Variants in ARHGAP24 observed in about 807,000 individuals in gnomAD.
ARHGAP24 encodes Rho GTPase activating protein 24.
ARHGAP24 carries 50 observed loss-of-function variants against 76.4 expected under a neutral mutation model. The ratio of observed to expected loss-of-function variants is 0.65; its 90% CI spans 0.52 to 0.83. ARHGAP24 has a LOEUF of 0.83. Ranked by LOEUF, ARHGAP24 falls within the 40% of genes least tolerant of loss-of-function variation. ARHGAP24 has a pLI of 0.00. For synonymous variants in ARHGAP24, 345 were observed against 323.3 expected, an observed-to-expected ratio of 1.07 and a Z score of -0.72; for missense variants, 930 against 914.2, an observed-to-expected ratio of 1.02 and a Z score of -0.22.
At chr4:85,629,444 A>G (rs1336366598) in intron 2 of ARHGAP24, among the ~76,000 whole-genome samples, 1 of 152,154 alleles carries the variant, frequency 6.6e-6, no homozygotes, top group Non-Finnish European at 1.5e-5. Context: ...TTCATAGTGA[A>G]TTTTATACTT....
chr4:85,917,976 G>A (rs12651053), intron 3 of ARHGAP24, among the ~76,000 whole-genome samples: 11 of 151,820 alleles, frequency 7.2e-5, no homozygotes, highest in South Asian at 2.1e-4. Flanking sequence ...GTTACCTGAC[G>A]TAGTCTGGGC....
intron 2 of ARHGAP24, among the ~76,000 whole-genome samples, chr4:85,649,970 G>A (rs937715160): frequency 4.6e-5 from 7 of 152,044 alleles, no homozygotes; most frequent in Non-Finnish European, 7.4e-5. Context: ...AAGGTCATAC[G>A]GGTAGCAATG....
intron 3 of ARHGAP24, among the ~76,000 whole-genome samples, chr4:85,730,289 C>T (rs924616100): frequency 6.6e-6 from 1 of 152,190 alleles, no homozygotes; most frequent in Non-Finnish European, 1.5e-5. Context: ...ATATTTTATT[C>T]AGTCCACACA....
At chr4:85,487,600 TTATTA>T (rs1231651244) in intron 1 of ARHGAP24, among the ~76,000 whole-genome samples, 9 of 105,422 alleles carry the variant, frequency 8.5e-5, no homozygotes, top group African/African-American at 2.4e-4. Context: ...AAATATATAT[TTATTA>T]TATTATATAA....
intron 5 of ARHGAP24, among the ~76,000 whole-genome samples, chr4:85,969,645 G>A (rs1164141419): frequency 6.6e-6 from 1 of 152,012 alleles, no homozygotes; most frequent in Non-Finnish European, 1.5e-5. Flanking sequence ...CCCAAGCTGT[G>A]GTTTTTTTAC....
At chr4:86,000,080 C>CTTTTTTTTTTT (rs35831725) in intron 9 of ARHGAP24, 2 of 143,350 alleles carry the variant, frequency 1.4e-5, no homozygotes, top group Non-Finnish European at 1.5e-5. Flanking sequence ...TTATTGCCCT[C>CTTTTTTTTTTT]TTTTTTTTTT....
At chr4:85,810,545 T>C (rs1171751498) in intron 3 of ARHGAP24, among the ~76,000 whole-genome samples, 1 of 152,170 alleles carries the variant, frequency 6.6e-6, no homozygotes, top group Non-Finnish European at 1.5e-5. Context: ...TATGCCCCAG[T>C]TTCTTACTTT....
intron 3 of ARHGAP24, among the ~76,000 whole-genome samples, chr4:85,790,117 A>T (rs1488787213): frequency 2.0e-5 from 3 of 152,128 alleles, no homozygotes; most frequent in Non-Finnish European, 4.4e-5. Flanking sequence ...GGGGCCCCAG[A>T]ATATGCATTT....
rs1056420668 is a variant in ARHGAP24, at chr4:85,508,129, G to T, written c.-21+32570G>T. 2.6e-5 allele frequency among the ~76,000 whole-genome samples: 4 copies of T among 151,372 alleles called. No individual in the cohort carries two copies. The East Asian group carries it at 7.8e-4, about 29-fold the overall frequency. On this transcript the variant is annotated intron_variant, in intron 1 of 9. Coordinates refer to ENST00000395184, the MANE Select transcript of ARHGAP24 (RefSeq NM_001025616.3). ...TTTCCAGATATATGGCCTCAGGATT[G>T]AATTTTTCCTCTGGAGAGAAAACAT...
At chr4:85,509,507 C>A (rs1219984688) in intron 1 of ARHGAP24, among the ~76,000 whole-genome samples, 1 of 151,910 alleles carries the variant, frequency 6.6e-6, no homozygotes, top group Non-Finnish European at 1.5e-5. Flanking sequence ...AAACAAAATT[C>A]TTAGTATATT....
chr4:85,501,784 G>A (rs1483181612), intron 1 of ARHGAP24, among the ~76,000 whole-genome samples: 1 of 152,064 alleles, frequency 6.6e-6, no homozygotes, highest in Non-Finnish European at 1.5e-5. Flanking sequence ...TTTTAGTCAT[G>A]AAGTCTTTGC....
intron 2 of ARHGAP24, among the ~76,000 whole-genome samples, chr4:85,720,913 A>C (rs897379131): frequency 2.0e-5 from 3 of 152,192 alleles, no homozygotes; most frequent in Non-Finnish European, 4.4e-5. Flanking sequence ...CTTGTGAGTC[A>C]TGTAAGTGGA....
intron 1 of ARHGAP24, among the ~76,000 whole-genome samples, chr4:85,490,510 C>G (rs909954018): frequency 6.6e-6 from 1 of 152,166 alleles, no homozygotes; most frequent in East Asian, 1.9e-4. Flanking sequence ...TTACAATTCT[C>G]TTTAGAATTC....
rs115632565 is a variant in ARHGAP24 at position 85,697,769 on chromosome 4, A to G, written c.181-24116A>G. Among the ~76,000 whole-genome samples the G allele has an allele frequency of 5.4e-3, 816 of 152,236 alleles. 6 individuals carry two copies. Among genetic ancestry groups the G allele is most frequent in the African/African-American group, 0.019 (773 of 41,544 alleles). On this transcript the variant is annotated intron_variant, in intron 2 of 9. Transcript: ENST00000395184. ...AGGTTAAGTGATGAGCATAAGAAAA[A>G]CTCAGGAAGTGGAAACGGATGTTTC...
chr4:85,690,749 G>T (rs1723622734), intron 2 of ARHGAP24, among the ~76,000 whole-genome samples: 2 of 133,166 alleles, frequency 1.5e-5, no homozygotes, highest in African/African-American at 3.1e-5. Flanking sequence ...CCAGTGATCT[G>T]TCAATCTTGT....
chr4:85,508,817 A>T (rs756581991), intron 1 of ARHGAP24, among the ~76,000 whole-genome samples: 1 of 151,958 alleles, frequency 6.6e-6, no homozygotes, highest in Admixed American at 6.6e-5. Flanking sequence ...TGATTTCTCC[A>T]TATGTTCTAA....
intron 1 of ARHGAP24, among the ~76,000 whole-genome samples, chr4:85,551,400 C>G (rs6820899): frequency 0.91 from 139,011 of 152,036 alleles, 64,749 homozygotes; most frequent in East Asian, 1. Context: ...GGTGGATTAG[C>G]TATTCAGTGT....
At chr4:85,687,363 T>A (rs1353269308) in intron 2 of ARHGAP24, among the ~76,000 whole-genome samples, 1 of 152,148 alleles carries the variant, frequency 6.6e-6, no homozygotes, top group Non-Finnish European at 1.5e-5. Context: ...GAGGCATGGA[T>A]CCTATCACCC....
intron 1 of ARHGAP24, among the ~76,000 whole-genome samples, chr4:85,511,588 G>A (rs544054536): frequency 4.4e-4 from 67 of 152,076 alleles, no homozygotes; most frequent in African/African-American, 1.3e-3. Flanking sequence ...TCAGCCTCCC[G>A]AGTAGCTGGG....
Sources: gnomAD v4.1 joint callset for allele counts (sites outside exome capture counted in the v4.1 genomes callset) on GRCh38, gnomAD v4.1.1 for gene constraint, MANE v1.5 for transcripts, NCBI Gene and HGNC (gene_info 2026-07-23, HGNC 2026-07-21) for gene names.